Variants in ASTN1 observed in about 807,000 individuals in gnomAD.
ASTN1 encodes the protein astrotactin-1.
ASTN1 carries 41 observed loss-of-function variants against 140.7 expected under a neutral mutation model. That is an observed-to-expected ratio of 0.29 (90% CI 0.23 to 0.38). The LOEUF is 0.38. ASTN1 is among the 10% of genes least tolerant of loss of function. The pLI, the probability that ASTN1 is intolerant of heterozygous loss-of-function variation, is 1.00. For synonymous variants in ASTN1, 640 were observed against 652.2 expected (o/e 0.98, Z 0.29); for missense variants, 1,479 against 1,678.8 (o/e 0.88, Z 2.08).
At chr1:176,924,929 C>A (rs1394817258) in intron 16 of ASTN1, among the ~76,000 whole-genome samples, 1 of 152,022 alleles carries the variant, frequency 6.6e-6, no homozygotes, top group Non-Finnish European at 1.5e-5. Context: ...CTGTTTTAAG[C>A]AACCTAGACA....
intron 22 of ASTN1, among the ~76,000 whole-genome samples, chr1:176,864,879 C>T (rs1668079223): frequency 6.6e-6 from 1 of 152,184 alleles, no homozygotes; most frequent in South Asian, 2.1e-4. Flanking sequence ...TTTATCATCA[C>T]TAAATGACAA....
At chr1:177,115,635 C>T (rs1681046904) in intron 1 of ASTN1, among the ~76,000 whole-genome samples, 1 of 146,990 alleles carries the variant, frequency 6.8e-6, no homozygotes, top group African/African-American at 2.6e-5. Flanking sequence ...CCAGCCTGGG[C>T]AACAGAGAGA....
intron 8 of ASTN1, among the ~76,000 whole-genome samples, chr1:177,010,214 GCAAA>G (rs1018992551): frequency 1.3e-5 from 2 of 151,986 alleles, no homozygotes; most frequent in Non-Finnish European, 2.9e-5. Context: ...TGTTGTCCTA[GCAAA>G]CAAATATCAA....
intron 1 of ASTN1, among the ~76,000 whole-genome samples, chr1:177,071,074 G>A (rs967898094): frequency 6.6e-6 from 1 of 152,174 alleles, no homozygotes; most frequent in Non-Finnish European, 1.5e-5. Context: ...ATAAGTCCAG[G>A]AATCAGCTCA....
At chr1:177,099,747 G>A (rs1680211076) in intron 1 of ASTN1, among the ~76,000 whole-genome samples, 2 of 152,212 alleles carry the variant, frequency 1.3e-5, no homozygotes, top group South Asian at 2.1e-4. Context: ...CTTCCTATTG[G>A]TCTTAATCTA....
chr1:176,882,075 A>G (rs965149953), intron 20 of ASTN1, among the ~76,000 whole-genome samples: 3 of 152,182 alleles, frequency 2.0e-5, no homozygotes, highest in African/African-American at 7.2e-5. Context: ...CATCTTTTAC[A>G]TCTCTGCGTC....
Position 177,164,698 on chromosome 1 carries a change from T to A in ASTN1, c.-22A>T. On this transcript the variant is annotated 5_prime_UTR_variant, in exon 1 of 23. Transcript: ENST00000361833. The stretch of plus-strand genomic sequence containing the variant: ...CCATCTTGAGCCCCGGCCGCCTTCC[T>A]CCTAGCGCTGCGATGGTGGGGGAGG... 6.6e-7 allele frequency: 1 copy of A among 1,525,026 alleles called. No individual in the cohort carries two copies. The highest frequency in any genetic ancestry group is 1.9e-4 in the Middle Eastern group (1 of 5,294). The allele number at this position is 1,525,026 out of a possible 1,614,324, so 94.5% of individuals were successfully genotyped here.
intron 1 of ASTN1, among the ~76,000 whole-genome samples, chr1:177,070,039 A>G (rs1678562373): frequency 6.6e-6 from 1 of 152,238 alleles, no homozygotes. Flanking sequence ...TAAGGTATGT[A>G]ATAATATTTA....
chr1:176,919,152 C>T (rs1159241112), intron 16 of ASTN1, among the ~76,000 whole-genome samples: 2 of 152,158 alleles, frequency 1.3e-5, no homozygotes, highest in Non-Finnish European at 2.9e-5. Flanking sequence ...TCCTTCACAC[C>T]TACTCTAACA....
At chr1:177,015,823 T>C (rs1033846712) in intron 7 of ASTN1, among the ~76,000 whole-genome samples, 1 of 152,238 alleles carries the variant, frequency 6.6e-6, no homozygotes, top group Non-Finnish European at 1.5e-5. Flanking sequence ...TGCTTCATTA[T>C]GTTAATAATT....
chr1:176,955,524 G>A (rs142713328), intron 11 of ASTN1, among the ~76,000 whole-genome samples: 1 of 152,352 alleles, frequency 6.6e-6, no homozygotes, highest in Non-Finnish European at 1.5e-5. Context: ...GTGGTCCAGT[G>A]GCTTCAAAGT....
chr1:176,970,176 A>G (rs552926790), intron 8 of ASTN1, among the ~76,000 whole-genome samples: 17 of 152,084 alleles, frequency 1.1e-4, no homozygotes, highest in Non-Finnish European at 2.1e-4. Context: ...GGACATATCC[A>G]CTTTTGCAGG....
intron 1 of ASTN1, among the ~76,000 whole-genome samples, chr1:177,148,624 T>C (rs1178832578): frequency 1.3e-5 from 2 of 152,084 alleles, no homozygotes; most frequent in East Asian, 3.9e-4. Context: ...GACTCTCTTT[T>C]TTCTTCTTTT....
rs77185196 is a variant in ASTN1 at position 176,936,650 on chromosome 1, C to T, written c.2378-280G>A. Among the ~76,000 whole-genome samples the T allele has an allele frequency of 3.0e-3, 451 of 152,240 alleles. 2 individuals carry two copies. Among genetic ancestry groups the T allele is most frequent in the African/African-American group, 0.01 (430 of 41,524 alleles). ...ATTTGAATTTTATAAATGAGAAAAT[C>T]GAGGCTCTAAGGCTGGCTATGTTAC... On this transcript the variant is annotated intron_variant, in intron 14 of 22. Coordinates refer to ENST00000361833, the MANE Select transcript of ASTN1 (RefSeq NM_004319.3).
intron 8 of ASTN1, among the ~76,000 whole-genome samples, chr1:176,987,387 G>T (rs956509093): frequency 4.6e-5 from 7 of 152,108 alleles, no homozygotes; most frequent in Non-Finnish European, 8.8e-5. Context: ...TTGACCTGAG[G>T]GCAGTAGTTA....
chr1:177,153,413 A>G (rs954333066), intron 1 of ASTN1, among the ~76,000 whole-genome samples: 2 of 152,092 alleles, frequency 1.3e-5, no homozygotes, highest in African/African-American at 4.8e-5. Context: ...TTTCTTTATA[A>G]ATGACCCAGC....
chr1:176,865,120 G>T (rs537861320), intron 22 of ASTN1, among the ~76,000 whole-genome samples: 1 of 152,308 alleles, frequency 6.6e-6, no homozygotes, highest in East Asian at 1.9e-4. Context: ...TAACCTCCAG[G>T]TGAGCTCATG....
downstream of ASTN1, among the ~76,000 whole-genome samples, chr1:176,859,079 C>T (rs1366561655): frequency 6.6e-6 from 1 of 152,204 alleles, no homozygotes; most frequent in Admixed American, 6.5e-5. Flanking sequence ...GGGGTATGCA[C>T]ATTTGCATCC....
chr1:176,887,666 G>A (rs1571460043), intron 18 of ASTN1, among the ~76,000 whole-genome samples: 2 of 152,152 alleles, frequency 1.3e-5, no homozygotes, highest in South Asian at 4.2e-4. Context: ...TTCAATGAGT[G>A]GTTATGTTTT....
Sources: allele counts gnomAD v4.1 joint callset (sites outside exome capture counted in the v4.1 genomes callset), GRCh38; gene constraint gnomAD v4.1.1; transcripts MANE v1.5; gene names NCBI Gene and HGNC (gene_info 2026-07-23, HGNC 2026-07-21).